The following STARD13 variants were observed in gnomAD, a reference collection of about 807,000 sequenced individuals.
STARD13 encodes StAR related lipid transfer domain containing 13, also known as stAR-related lipid transfer protein 13.
In STARD13, 62 loss-of-function variants were observed where a neutral mutation model predicts 106.4. The ratio of observed to expected loss-of-function variants is 0.58; its 90% CI spans 0.48 to 0.72. The LOEUF is 0.72. Among genes scored for constraint, STARD13 ranks in the 30% least tolerant of loss-of-function variants. The pLI is 0.00. For synonymous variants in STARD13, 565 were observed against 553.0 expected, an observed-to-expected ratio of 1.02 and a Z score of -0.31; for missense variants, 1,387 against 1,424.0, an observed-to-expected ratio of 0.97 and a Z score of 0.42.
At chr13:33,394,828 G>C in the STARD13 span, among the ~76,000 whole-genome samples, 1 of 152,208 alleles carries the variant, frequency 6.6e-6, no homozygotes, top group Non-Finnish European at 1.5e-5. Flanking sequence ...ATTCAGAGGA[G>C]TGTTTGTAGA....
chr13:33,179,864 C>T (rs1885057448), intron 1 of STARD13, among the ~76,000 whole-genome samples: 2 of 152,198 alleles, frequency 1.3e-5, no homozygotes, highest in Non-Finnish European at 1.5e-5. Context: ...AGGTTAGCCA[C>T]ATGGTTCTGC....
chr13:33,277,067 G>A (rs1483994719), intron 1 of STARD13, among the ~76,000 whole-genome samples: 1 of 135,886 alleles, frequency 7.4e-6, no homozygotes, highest in Non-Finnish European at 1.6e-5. Flanking sequence ...AAAAGAGAGA[G>A]AATTCATGTC....
At chr13:33,442,276 A>T in the STARD13 span, among the ~76,000 whole-genome samples, 4 of 152,330 alleles carry the variant, frequency 2.6e-5, no homozygotes, top group African/African-American at 9.6e-5. Context: ...ACGGCTTGAA[A>T]AGGAAACAAA....
chr13:33,297,076 TA>T (rs1262609102), intron 1 of STARD13, among the ~76,000 whole-genome samples: 3 of 152,256 alleles, frequency 2.0e-5, no homozygotes. Flanking sequence ...CATTAGAGAA[TA>T]TGTGTGTATG....
the STARD13 span, among the ~76,000 whole-genome samples, chr13:33,658,725 G>C: frequency 1.4e-3 from 220 of 152,300 alleles, 1 homozygote; most frequent in African/African-American, 5.1e-3. Context: ...ATGTCTTTTA[G>C]TATGCTAAGA....
intron 1 of STARD13, among the ~76,000 whole-genome samples, chr13:33,259,512 C>A (rs1378878894): frequency 1.3e-5 from 2 of 152,102 alleles, no homozygotes; most frequent in African/African-American, 4.8e-5. Context: ...GAGGATGCTT[C>A]CTTTCTTTTG....
chr13:33,112,575 G>T (rs1444814040), intron 9 of STARD13, 146 bp downstream of exon 9: 1 of 653,700 alleles, frequency 1.5e-6, no homozygotes, highest in Non-Finnish European at 2.6e-6. Flanking sequence ...ACCTATCGTT[G>T]ATCTATCTAC....
At chr13:33,340,113 G>A (rs748710747) in intron 1 of STARD13, among the ~76,000 whole-genome samples, 2 of 152,184 alleles carry the variant, frequency 1.3e-5, no homozygotes, top group Non-Finnish European at 2.9e-5. Context: ...CCACAAAGGG[G>A]TAGATTAGCA....
chr13:33,368,304 C>T, the STARD13 span, among the ~76,000 whole-genome samples: 30 of 152,248 alleles, frequency 2.0e-4, no homozygotes, highest in African/African-American at 5.8e-4. Flanking sequence ...AGATCTATGC[C>T]GGCTCTCTTT....
the STARD13 span, among the ~76,000 whole-genome samples, chr13:33,381,753 T>C: frequency 6.6e-6 from 1 of 152,078 alleles, no homozygotes; most frequent in Non-Finnish European, 1.5e-5. Context: ...AATAAAAAAA[T>C]AAAACTAAAA....
At chr13:33,390,943 A>G in the STARD13 span, among the ~76,000 whole-genome samples, 1 of 152,062 alleles carries the variant, frequency 6.6e-6, no homozygotes, top group Non-Finnish European at 1.5e-5. Context: ...TCTTTCTTTA[A>G]CAGGACATAC....
the STARD13 span, among the ~76,000 whole-genome samples, chr13:33,504,336 C>A: frequency 6.6e-6 from 1 of 151,992 alleles, no homozygotes; most frequent in Non-Finnish European, 1.5e-5. Context: ...GTCACAATAG[C>A]AAAGACTTTG....
At chr13:33,304,869 G>T (rs1016478052) in intron 1 of STARD13, among the ~76,000 whole-genome samples, 8 of 152,104 alleles carry the variant, frequency 5.3e-5, no homozygotes, top group Admixed American at 3.3e-4. Flanking sequence ...ATCTGACAAA[G>T]ATTTACTGAT....
At chr13:33,314,366 C>G (rs1453925196) in intron 1 of STARD13, among the ~76,000 whole-genome samples, 1 of 152,052 alleles carries the variant, frequency 6.6e-6, no homozygotes, top group Non-Finnish European at 1.5e-5. Flanking sequence ...TCCTGGGCAC[C>G]AATAGTGATT....
chr13:33,663,391 A>G, the STARD13 span, among the ~76,000 whole-genome samples: 1 of 152,372 alleles, frequency 6.6e-6, no homozygotes, highest in South Asian at 2.1e-4. Flanking sequence ...AAATACTGTA[A>G]GAAAATGAAA....
chr13:33,345,629 C>T (rs558206293), downstream of STARD13, among the ~76,000 whole-genome samples: 9 of 152,276 alleles, frequency 5.9e-5, no homozygotes, highest in African/African-American at 4.8e-5. Flanking sequence ...GCATGGACAA[C>T]AATTCCACAA....
rs1873580978 is a variant in STARD13, at chr13:33,105,602, A to T, written c.3333T>A (p.Thr1111=). The change falls in exon 14 of 14, where the codon ACT becomes ACA. Residue 1111 remains threonine, a synonymous_variant. Coordinates refer to ENST00000336934, the MANE Select transcript of STARD13 (RefSeq NM_178006.4). ...TCACACTGGGCAAAACTCAGATTTT[A>T]GTTTCTGGGCCCTCAGCAATGAGGG... ...FQPLIAEGPE[T]KI is the part of the protein sequence containing the mutation. 4 of 1,612,112 alleles carry T rather than the reference A, an allele frequency of 2.5e-6. 1 individual carries two copies. Among genetic ancestry groups the T allele is most frequent in the African/African-American group, 2.7e-5 (2 of 75,008 alleles).
chr13:33,143,199 T>C lies in STARD13; in HGVS notation c.324-826A>G, dbSNP rs1355922401. On this transcript the variant is annotated intron_variant, in intron 3 of 13. Coordinates refer to ENST00000336934, the MANE Select transcript of STARD13 (RefSeq NM_178006.4). ...CATGGTGTTCCATCATGGCAGCCTGTGCTAATAAATACATTTTGATTTTCA... is the reference window on the plus strand; with the variant it reads ...CATGGTGTTCCATCATGGCAGCCTGCGCTAATAAATACATTTTGATTTTCA... Among the ~76,000 whole-genome samples the C allele has an allele frequency of 3.3e-5, 5 of 152,324 alleles. No homozygotes were observed. The South Asian group carries it at 6.2e-4, about 19-fold the overall frequency.
chr13:33,183,811 T>C (rs768786263), intron 1 of STARD13, among the ~76,000 whole-genome samples: 8 of 152,154 alleles, frequency 5.3e-5, no homozygotes, highest in Non-Finnish European at 8.8e-5. Context: ...TCTCCCTGAA[T>C]ATGCCCTGGA....
Sources: allele counts gnomAD v4.1 joint callset (sites outside exome capture counted in the v4.1 genomes callset), GRCh38; gene constraint gnomAD v4.1.1; transcripts MANE v1.5; gene names NCBI Gene and HGNC (gene_info 2026-07-23, HGNC 2026-07-21).